The following DPP6 variants were observed in gnomAD, a reference collection of about 807,000 sequenced individuals.
DPP6 encodes dipeptidyl peptidase like 6, also known as A-type potassium channel modulatory protein DPP6.
DPP6 carries 69 observed loss-of-function variants against 122.6 expected under a neutral mutation model. That is an observed-to-expected ratio of 0.56 (90% CI 0.46 to 0.69). DPP6 has a LOEUF of 0.69. Ranked by LOEUF, DPP6 falls within the 30% of genes least tolerant of loss-of-function variation. DPP6 has a pLI of 0.00. For synonymous variants in DPP6, 418 were observed against 433.1 expected, an observed-to-expected ratio of 0.97 and a Z score of 0.43; for missense variants, 928 against 1,116.9, an observed-to-expected ratio of 0.83 and a Z score of 2.41.
At chr7:154,335,954 C>T (rs1563500981) in intron 1 of DPP6, among the ~76,000 whole-genome samples, 1 of 152,072 alleles carries the variant, frequency 6.6e-6, no homozygotes, top group East Asian at 1.9e-4. Context: ...GAAATGTGGG[C>T]TCCATGAAAG....
upstream of DPP6, among the ~76,000 whole-genome samples, chr7:153,886,865 G>C (rs548662238): frequency 4.3e-4 from 66 of 152,232 alleles, no homozygotes; most frequent in African/African-American, 1.5e-3. Flanking sequence ...CTTCTCTCGC[G>C]GGCGCAGCCG....
chr7:154,124,781 C>T (rs140849110), intron 1 of DPP6, among the ~76,000 whole-genome samples: 21 of 152,206 alleles, frequency 1.4e-4, no homozygotes, highest in South Asian at 4.1e-4. Flanking sequence ...TGTGCAGGGC[C>T]GGTGAAACTG....
At chr7:154,221,987 G>A (rs954699990) in intron 1 of DPP6, among the ~76,000 whole-genome samples, 3 of 152,026 alleles carry the variant, frequency 2.0e-5, no homozygotes, top group African/African-American at 7.2e-5. Flanking sequence ...TACTCTGCTT[G>A]ATTCAGTTAC....
At chr7:154,513,345 G>A (rs994750976) in intron 3 of DPP6, among the ~76,000 whole-genome samples, 5 of 152,176 alleles carry the variant, frequency 3.3e-5, no homozygotes, top group Non-Finnish European at 7.3e-5. Context: ...TGTAGCTAGA[G>A]GAGGCTTTAC....
intron 1 of DPP6, among the ~76,000 whole-genome samples, chr7:154,074,074 T>G (rs1224278547): frequency 1.8e-4 from 27 of 151,782 alleles, no homozygotes; most frequent in Non-Finnish European, 3.5e-4. Flanking sequence ...TATATACATA[T>G]AGAGAGAGAT....
intron 5 of DPP6, among the ~76,000 whole-genome samples, chr7:154,634,264 T>C (rs1045201109): frequency 1.8e-4 from 27 of 150,340 alleles, no homozygotes; most frequent in African/African-American, 6.4e-4. Context: ...ATGCGGTGTT[T>C]GGTTTTTTGT....
chr7:154,307,921 A>T (rs6464400), intron 1 of DPP6, among the ~76,000 whole-genome samples: 18,860 of 145,512 alleles, frequency 0.13, 1,364 homozygotes, highest in African/African-American at 0.21. Flanking sequence ...TGCTTTGTGG[A>T]TTGGTTTTGA....
intron 4 of DPP6, among the ~76,000 whole-genome samples, chr7:154,560,771 A>T (rs1830370022): frequency 6.6e-6 from 1 of 151,868 alleles, no homozygotes; most frequent in Non-Finnish European, 1.5e-5. Flanking sequence ...TTATCCCAGC[A>T]GCTCGGGAGG....
intron 8 of DPP6, among the ~76,000 whole-genome samples, chr7:154,754,615 T>C (rs1843567948): frequency 6.6e-6 from 1 of 152,216 alleles, no homozygotes; most frequent in African/African-American, 2.4e-5. Context: ...AATAACAAAG[T>C]CAGTCTCAGT....
intron 1 of DPP6, among the ~76,000 whole-genome samples, chr7:154,251,748 T>G (rs923326008): frequency 6.6e-6 from 1 of 152,158 alleles, no homozygotes; most frequent in Admixed American, 6.5e-5. Flanking sequence ...GGGAGAAAGA[T>G]GAAGGCCGGA....
intron 6 of DPP6, among the ~76,000 whole-genome samples, chr7:154,643,615 C>G (rs1836255353): frequency 6.6e-6 from 1 of 151,954 alleles, no homozygotes; most frequent in Admixed American, 6.6e-5. Flanking sequence ...ACTACAGGCA[C>G]CCACCACCAC....
chr7:153,901,709 C>T (rs1001491893), intron 1 of DPP6, among the ~76,000 whole-genome samples: 2 of 152,192 alleles, frequency 1.3e-5, no homozygotes, highest in African/African-American at 4.8e-5. Context: ...TGTTTCTTTG[C>T]TGACCTAGGG....
intron 10 of DPP6, among the ~76,000 whole-genome samples, chr7:154,784,195 C>T (rs1194372435): frequency 1.3e-5 from 2 of 152,090 alleles, no homozygotes; most frequent in East Asian, 1.9e-4. Context: ...ACAGCAGCCT[C>T]TGGGGAGGGA....
intron 5 of DPP6, among the ~76,000 whole-genome samples, chr7:154,617,536 TC>T (rs1249730581): frequency 2.0e-5 from 3 of 152,184 alleles, no homozygotes; most frequent in African/African-American, 4.8e-5. Flanking sequence ...GCCACCAGAC[TC>T]TATTTTCTCT....
intron 5 of DPP6, among the ~76,000 whole-genome samples, chr7:154,573,267 G>A (rs1484737815): frequency 6.6e-6 from 1 of 152,174 alleles, no homozygotes; most frequent in Non-Finnish European, 1.5e-5. Flanking sequence ...CAGAATTGCA[G>A]GGAGCTCTCT....
Position 153,887,394 on chromosome 7 carries a change from G to A in DPP6, c.-290G>A, listed in dbSNP as rs2128991550. 9.9e-6 allele frequency: 3 copies of A among 304,500 alleles called. No individual in the cohort carries two copies. In the East Asian group the frequency reaches 1.7e-4, roughly 18 times the overall value. 18.9% of individuals were successfully genotyped at this position (304,500 alleles called of 1,614,324 possible). On this transcript the variant is annotated 5_prime_UTR_variant, in exon 1 of 26. Transcript: ENST00000404039. ...CTCGCAGCCTCTTCCTCCCTCCCTGGCTCCTGGCTTTTTGTTTAAAGCAAC... is the reference window on the plus strand; with the variant it reads ...CTCGCAGCCTCTTCCTCCCTCCCTGACTCCTGGCTTTTTGTTTAAAGCAAC...
chr7:154,585,016 G>T (rs921539970), intron 5 of DPP6, among the ~76,000 whole-genome samples: 2 of 152,092 alleles, frequency 1.3e-5, no homozygotes, highest in Non-Finnish European at 2.9e-5. Context: ...CACAAATTGG[G>T]ATATGGAACA....
chr7:153,953,189 T>C (rs1156499798), intron 1 of DPP6, among the ~76,000 whole-genome samples: 2 of 152,228 alleles, frequency 1.3e-5, no homozygotes, highest in Non-Finnish European at 1.5e-5. Context: ...CAAAACACTT[T>C]TTTAAAATCT....
chr7:153,877,787 T>C, the DPP6 span, among the ~76,000 whole-genome samples: 3 of 152,160 alleles, frequency 2.0e-5, no homozygotes, highest in Admixed American at 1.3e-4. Context: ...AAAAATCAAG[T>C]ATTACCCTAT....
Sources: gnomAD v4.1 joint callset for allele counts (sites outside exome capture counted in the v4.1 genomes callset) on GRCh38, gnomAD v4.1.1 for gene constraint, MANE v1.5 for transcripts, NCBI Gene and HGNC (gene_info 2026-07-23, HGNC 2026-07-21) for gene names.